Variants in PTGES3 observed in about 807,000 individuals in gnomAD.
The protein encoded by PTGES3 is prostaglandin E synthase 3.
A neutral mutation model predicts 29.9 loss-of-function variants in PTGES3; 5 were observed. The observed-to-expected ratio is 0.17, with a 90% CI of 0.09 to 0.35. The LOEUF is 0.35. Among genes scored for constraint, PTGES3 ranks in the 10% least tolerant of loss-of-function variants. The probability of loss-of-function intolerance (pLI) is 1.00; values close to 1 mark genes in which losing one functional copy is unlikely to be tolerated. For missense variants in PTGES3, 128 were observed against 190.0 expected, an observed-to-expected ratio of 0.67 and a Z score of 1.92; for synonymous variants, 49 against 57.8, an observed-to-expected ratio of 0.85 and a Z score of 0.69.
intron 1 of PTGES3, among the ~76,000 whole-genome samples, chr12:56,674,524 T>C (rs1194578361): frequency 2.6e-5 from 4 of 151,914 alleles, no homozygotes; most frequent in Non-Finnish European, 4.4e-5. Flanking sequence ...AACTCGTCTC[T>C]GCTAAAATTA....
chr12:56,687,441 G>C, intron 1 of PTGES3: 1 of 988,238 alleles, frequency 1.0e-6, no homozygotes, highest in Middle Eastern at 5.2e-4. Context: ...CCAGACACTG[G>C]AGAGGGAAGT....
At chr12:56,671,871 C>T (rs758924164) in intron 3 of PTGES3, 24 bp from the exon 4 acceptor site, 7 of 1,378,130 alleles carry the variant, frequency 5.1e-6, no homozygotes, top group African/African-American at 1.5e-5. Context: ...GACCATCATA[C>T]CATTTATCTT....
At chr12:56,683,649 C>CA (rs1330789680) in intron 1 of PTGES3, among the ~76,000 whole-genome samples, 6 of 140,624 alleles carry the variant, frequency 4.3e-5, no homozygotes, top group Admixed American at 2.8e-4. Context: ...GACTCCATCT[C>CA]AAAAAAACAA....
At chr12:56,670,898 GGAGTTC>G (rs1461333962) in intron 4 of PTGES3, among the ~76,000 whole-genome samples, 1 of 152,178 alleles carries the variant, frequency 6.6e-6, no homozygotes. Flanking sequence ...TAATCCTTCA[GGAGTTC>G]GAGACAGCCT....
At position 56,664,473 on chromosome 12, in the gene PTGES3, T is replaced by C. The variant is rs1449976115; in HGVS notation, c.*6A>G. On this transcript the variant is annotated 3_prime_UTR_variant, in exon 8 of 8. Coordinates refer to ENST00000262033, the MANE Select transcript of PTGES3 (RefSeq NM_006601.7). ...TTTCTCAAAATCCAGGTGATGACAA[T>C]ATTCCTTACTCCAGATCTGGCATTT... The C allele has an allele frequency of 6.2e-7, 1 of 1,603,860 alleles. No homozygotes were observed. The highest frequency in any genetic ancestry group is 8.5e-7 in the Non-Finnish European group (1 of 1,175,742).
chr12:56,678,627 T>C (rs1952378921), intron 1 of PTGES3, among the ~76,000 whole-genome samples: 1 of 152,204 alleles, frequency 6.6e-6, no homozygotes, highest in African/African-American at 2.4e-5. Context: ...CAGTGTTTTA[T>C]AAATTAGAGT....
intron 5 of PTGES3, 41 bp downstream of exon 5, chr12:56,670,234 G>C (rs773423417): frequency 6.1e-6 from 8 of 1,310,104 alleles, no homozygotes; most frequent in Non-Finnish European, 7.7e-6. Flanking sequence ...GACAGGTACC[G>C]TGTGCTTCGA....
chr12:56,668,134 A>G (rs950958582), intron 5 of PTGES3, among the ~76,000 whole-genome samples: 3 of 152,198 alleles, frequency 2.0e-5, no homozygotes, highest in African/African-American at 7.2e-5. Context: ...TAGTCTGTTA[A>G]AAGAGTAGAT....
At chr12:56,678,529 G>T (rs1224688285) in intron 1 of PTGES3, among the ~76,000 whole-genome samples, 1 of 152,146 alleles carries the variant, frequency 6.6e-6, no homozygotes, top group African/African-American at 2.4e-5. Context: ...ACTATCAAAT[G>T]GATTAAAATA....
At chr12:56,687,945 A>ACGCGGC in intron 1 of PTGES3, 53 bp downstream of exon 1, 7 of 1,604,156 alleles carry the variant, frequency 4.4e-6, no homozygotes, top group Middle Eastern at 1.7e-4. Context: ...GGAGCCCCCA[A>ACGCGGC]CGCGGCCTCG....
At chr12:56,685,064 G>A (rs2137734190) in intron 1 of PTGES3, among the ~76,000 whole-genome samples, 1 of 152,074 alleles carries the variant, frequency 6.6e-6, no homozygotes, top group Non-Finnish European at 1.5e-5. Flanking sequence ...AGAGGTTGCA[G>A]CTGCACTCCA....
At chr12:56,681,168 A>G (rs1952520351) in intron 1 of PTGES3, among the ~76,000 whole-genome samples, 1 of 151,968 alleles carries the variant, frequency 6.6e-6, no homozygotes, top group East Asian at 1.9e-4. Flanking sequence ...GTGAACCCCA[A>G]TCCTATTTCA....
intron 1 of PTGES3, among the ~76,000 whole-genome samples, chr12:56,682,019 G>C (rs570263751): frequency 5.3e-4 from 81 of 152,106 alleles, no homozygotes; most frequent in Admixed American, 9.8e-4. Context: ...GCTAATTTTT[G>C]TATTTTTAGT....
chr12:56,686,947 T>C (rs1592291917), intron 1 of PTGES3: 2 of 385,246 alleles, frequency 5.2e-6, no homozygotes, highest in East Asian at 7.3e-5. Context: ...AGGTTCCACC[T>C]TAATTGTTCT....
At chr12:56,665,284 C>A in intron 6 of PTGES3, 448 of 806,568 alleles carry the variant, frequency 5.6e-4, no homozygotes, top group East Asian at 6.3e-4. Flanking sequence ...CAATGTCCAT[C>A]TTTTTTTTTT....
chr12:56,668,610 G>A (rs183364979), intron 5 of PTGES3, among the ~76,000 whole-genome samples: 8 of 152,202 alleles, frequency 5.3e-5, no homozygotes, highest in Admixed American at 3.3e-4. Context: ...GGTAAGGAAA[G>A]TACAATTAAA....
chr12:56,683,464 ACT>A lies in PTGES3; in HGVS notation c.2+4532_2+4533del, dbSNP rs546721278. ...CTTCAGCCTGGGCAACAAGAGAGAA[ACT>A]CTGTCTCAAAAAAAAAAAAAAAAAA... On this transcript the variant is annotated intron_variant, in intron 1 of 7. Coordinates refer to ENST00000262033, the MANE Select transcript of PTGES3 (RefSeq NM_006601.7). Among the ~76,000 whole-genome samples, 573 of 114,056 alleles carry A rather than the reference ACT, an allele frequency of 5.0e-3. 5 individuals are homozygous for A. Among genetic ancestry groups the A allele is most frequent in the African/African-American group, 0.02 (547 of 27,058 alleles). 74.8% of individuals were successfully genotyped at this position (114,056 alleles called of 152,430 possible).
intron 1 of PTGES3, among the ~76,000 whole-genome samples, chr12:56,680,330 C>T (rs954065661): frequency 1.3e-5 from 2 of 151,766 alleles, no homozygotes; most frequent in African/African-American, 4.8e-5. Context: ...CCACCTCAGT[C>T]CCCCAAAGTG....
At position 56,663,495 on chromosome 12, in the gene PTGES3, AAC is replaced by A. The variant is rs1360864571; in HGVS notation, c.*982_*983del. 2 of 152,396 alleles carry A rather than the reference AAC, an allele frequency of 1.3e-5. No individual in the cohort carries two copies. Among genetic ancestry groups the A allele is most frequent in the Non-Finnish European group, 2.9e-5 (2 of 68,020 alleles). The allele number at this position is 152,396 out of a possible 1,614,324, so 9.4% of individuals were successfully genotyped here. A position where few individuals can be genotyped will look rare whatever the true frequency, so the allele number is the denominator to read the frequency against. The stretch of plus-strand genomic sequence containing the variant: ...ACATTACAGCAAGCCTCTTTTTTCA[AAC>A]AGAGGAATAATCCCAAATTCTTCCT... On this transcript the variant is annotated 3_prime_UTR_variant, in exon 8 of 8. Transcript: ENST00000262033.
Sources: gnomAD v4.1 joint callset for allele counts (sites outside exome capture counted in the v4.1 genomes callset) on GRCh38, gnomAD v4.1.1 for gene constraint, MANE v1.5 for transcripts, NCBI Gene and HGNC (gene_info 2026-07-23, HGNC 2026-07-21) for gene names.